The following CDH18 variants were observed in gnomAD, a reference collection of about 807,000 sequenced individuals.
CDH18 encodes the protein cadherin 18.
A neutral mutation model predicts 67.9 loss-of-function variants in CDH18; 31 were observed. That is an observed-to-expected ratio of 0.46 (90% CI 0.34 to 0.62). CDH18 has a LOEUF of 0.62. Ranked by LOEUF, CDH18 falls within the 20% of genes least tolerant of loss-of-function variation. The pLI is 0.01. For synonymous variants in CDH18, 362 were observed against 347.2 expected, an observed-to-expected ratio of 1.04 and a Z score of -0.48; for missense variants, 890 against 975.5, an observed-to-expected ratio of 0.91 and a Z score of 1.17.
chr5:19,909,438 T>TA (rs1381783116), intron 2 of CDH18, among the ~76,000 whole-genome samples: 1 of 151,700 alleles, frequency 6.6e-6, no homozygotes, highest in Non-Finnish European at 1.5e-5. Context: ...TAGCTGGAAT[T>TA]ACAGTCACAT....
chr5:20,053,222 A>C (rs1741591209), intron 2 of CDH18, among the ~76,000 whole-genome samples: 1 of 151,470 alleles, frequency 6.6e-6, no homozygotes, highest in Non-Finnish European at 1.5e-5. Flanking sequence ...AAATGTGTCC[A>C]TATATATGAT....
intron 2 of CDH18, among the ~76,000 whole-genome samples, chr5:19,842,070 C>T (rs2150038155): frequency 6.6e-6 from 1 of 152,190 alleles, no homozygotes; most frequent in East Asian, 1.9e-4. Flanking sequence ...AATTGAAATG[C>T]AAATAATAAG....
intron 1 of CDH18, among the ~76,000 whole-genome samples, chr5:20,367,650 A>G (rs897487540): frequency 3.3e-5 from 5 of 152,264 alleles, no homozygotes; most frequent in Non-Finnish European, 7.3e-5. Context: ...GTTCCTATGA[A>G]GAAATATACA....
At chr5:20,329,852 A>G (rs567909282) in intron 1 of CDH18, among the ~76,000 whole-genome samples, 1 of 151,390 alleles carries the variant, frequency 6.6e-6, no homozygotes, top group South Asian at 2.1e-4. Flanking sequence ...GAAGTAATTC[A>G]TGATATTTCA....
In CDH18 at chr5:20,038,394, C is replaced by G. The variant is rs561020468; in HGVS notation, c.-517-46380G>C. ...ATACCAAAACCTGGCAGAGACACAA[C>G]AAATAAAGAAAATTTAAGGCCAATA... On this transcript the variant is annotated intron_variant, in intron 2 of 14. Coordinates refer to the CDH18 transcript ENST00000507958. Among the ~76,000 whole-genome samples, 4 of 152,190 alleles carry G rather than the reference C, an allele frequency of 2.6e-5. No individual in the cohort carries two copies. In the South Asian group the frequency reaches 8.3e-4, roughly 32 times the overall value.
chr5:20,558,221 T>A (rs2126639754), intron 1 of CDH18, among the ~76,000 whole-genome samples: 1 of 152,172 alleles, frequency 6.6e-6, no homozygotes, highest in African/African-American at 2.4e-5. Flanking sequence ...ACTTGGGCAT[T>A]TACAACACAG....
intron 2 of CDH18, among the ~76,000 whole-genome samples, chr5:20,222,828 CTGA>C (rs572719848): frequency 1.2e-3 from 175 of 152,062 alleles, no homozygotes; most frequent in African/African-American, 4.1e-3. Flanking sequence ...TTTAAATAGC[CTGA>C]TTTCCTCATA....
intron 2 of CDH18, among the ~76,000 whole-genome samples, chr5:20,227,865 T>C (rs1260640493): frequency 1.3e-5 from 2 of 151,538 alleles, no homozygotes; most frequent in Non-Finnish European, 3.0e-5. Context: ...AGTTCCACAA[T>C]TGTCTACAAC....
intron 2 of CDH18, among the ~76,000 whole-genome samples, chr5:20,081,298 C>A (rs972063268): frequency 1.3e-5 from 2 of 152,098 alleles, no homozygotes; most frequent in African/African-American, 4.8e-5. Flanking sequence ...ATCAGTCAGA[C>A]TTCACTTATT....
At chr5:19,500,630 C>A (rs2126741892) in intron 11 of CDH18, among the ~76,000 whole-genome samples, 1 of 152,220 alleles carries the variant, frequency 6.6e-6, no homozygotes, top group Middle Eastern at 3.4e-3. Context: ...AAATTTTAAA[C>A]ATCTTTAGCA....
At chr5:20,007,548 A>G (rs964609774) in intron 2 of CDH18, among the ~76,000 whole-genome samples, 1 of 152,278 alleles carries the variant, frequency 6.6e-6, no homozygotes, top group Admixed American at 6.5e-5. Context: ...GACTCAAAAT[A>G]TAGAAATGAT....
At chr5:19,568,618 G>T (rs184520314) in intron 8 of CDH18, among the ~76,000 whole-genome samples, 2 of 151,976 alleles carry the variant, frequency 1.3e-5, no homozygotes, top group African/African-American at 4.8e-5. Context: ...GTGTGCTCTC[G>T]TAAAAAGAAA....
intron 2 of CDH18, among the ~76,000 whole-genome samples, chr5:20,145,921 A>G (rs1159562045): frequency 6.6e-6 from 1 of 152,140 alleles, no homozygotes; most frequent in Non-Finnish European, 1.5e-5. Context: ...AAAGTCTCAA[A>G]CCTTTGCAAT....
chr5:20,556,021 A>C (rs1757887964), intron 1 of CDH18, among the ~76,000 whole-genome samples: 1 of 152,104 alleles, frequency 6.6e-6, no homozygotes. Context: ...GAGTCACCAT[A>C]TCTCTTTTGT....
In CDH18 at chr5:20,178,910, T is replaced by C. The variant is rs561035839; in HGVS notation, c.-518+76534A>G. Among the ~76,000 whole-genome samples, 4 of 152,226 alleles carry C rather than the reference T, an allele frequency of 2.6e-5. No homozygotes were observed. The South Asian group carries it at 8.3e-4, about 32-fold the overall frequency. On this transcript the variant is annotated intron_variant, in intron 2 of 14. Coordinates refer to the CDH18 transcript ENST00000507958. ...GTGTTCTTGCAATTGAATGACTGCT[T>C]ATGGACACAGCTGCATTAATTATTA... is the stretch of plus-strand genomic sequence containing the variant.
chr5:19,498,857 T>TTCA (rs1324049643), intron 11 of CDH18, among the ~76,000 whole-genome samples: 5 of 152,200 alleles, frequency 3.3e-5, no homozygotes, highest in African/African-American at 9.6e-5. Context: ...TTAAGCTTCA[T>TTCA]TCATCATTCA....
chr5:20,118,864 A>G (rs1359297117), intron 2 of CDH18, among the ~76,000 whole-genome samples: 1 of 152,120 alleles, frequency 6.6e-6, no homozygotes, highest in Non-Finnish European at 1.5e-5. Flanking sequence ...ACAGGCTCGT[A>G]AGTGCACTGT....
In CDH18 at chr5:20,251,461, AT is replaced by A. The variant is rs1743854177; in HGVS notation, c.-518+3982del. On this transcript the variant is annotated intron_variant, in intron 2 of 14. Transcript: ENST00000507958. ...AAATCTTTCATAATATGCTTTTTAT[AT>A]CTTGTTTATTGTTACAACATGTTTT... Among the ~76,000 whole-genome samples the A allele has an allele frequency of 2.6e-5, 4 of 152,314 alleles. No individual in the cohort carries two copies. The South Asian group carries it at 8.3e-4, about 32-fold the overall frequency.
chr5:20,202,131 T>C (rs1739496770), intron 2 of CDH18, among the ~76,000 whole-genome samples: 1 of 152,190 alleles, frequency 6.6e-6, no homozygotes, highest in Non-Finnish European at 1.5e-5. Context: ...GGTGATAGCA[T>C]ATGCTGACAA....
Sources: allele counts gnomAD v4.1 joint callset (sites outside exome capture counted in the v4.1 genomes callset), GRCh38; gene constraint gnomAD v4.1.1; transcripts MANE v1.5; gene names NCBI Gene and HGNC (gene_info 2026-07-23, HGNC 2026-07-21).